Variants in DOCK8 observed in about 807,000 individuals in gnomAD.
DOCK8 encodes dedicator of cytokinesis 8, also known as dedicator of cytokinesis protein 8.
DOCK8 carries 141 observed loss-of-function variants against 245.6 expected under a neutral mutation model. That is an observed-to-expected ratio of 0.57 (90% CI 0.50 to 0.66). DOCK8 has a LOEUF of 0.66. Among genes scored for constraint, DOCK8 ranks in the 30% least tolerant of loss-of-function variants. The pLI is 0.00. For missense variants in DOCK8, 2,965 were observed against 2,603.4 expected (o/e 1.14, Z -3.02); for synonymous variants, 1,168 against 970.2 (o/e 1.20, Z -3.79).
At chr9:354,036 A>C (rs2052304360) in intron 14 of DOCK8, among the ~76,000 whole-genome samples, 1 of 152,188 alleles carries the variant, frequency 6.6e-6, no homozygotes, top group African/African-American at 2.4e-5. Context: ...TTTTGTGATT[A>C]AGAATATTTT....
chr9:306,139 A>G (rs573594584), intron 5 of DOCK8, among the ~76,000 whole-genome samples: 14 of 152,328 alleles, frequency 9.2e-5, no homozygotes, highest in African/African-American at 3.4e-4. Flanking sequence ...CTTCTTGTAA[A>G]CTAATATAGT....
chr9:397,860 A>G (rs995906311), intron 25 of DOCK8, among the ~76,000 whole-genome samples: 5 of 152,194 alleles, frequency 3.3e-5, no homozygotes, highest in African/African-American at 1.2e-4. Context: ...TCAAGTATTG[A>G]TAAGCTTCGT....
chr9:392,581 C>G (rs946060429), intron 24 of DOCK8, among the ~76,000 whole-genome samples: 1 of 152,186 alleles, frequency 6.6e-6, no homozygotes, highest in African/African-American at 2.4e-5. Context: ...TAATGATCCA[C>G]TGGTCTACAC....
At chr9:432,808 C>G (rs759499280) in intron 37 of DOCK8, among the ~76,000 whole-genome samples, 7 of 152,076 alleles carry the variant, frequency 4.6e-5, no homozygotes, top group Non-Finnish European at 8.8e-5. Flanking sequence ...AAGGGACCAG[C>G]TTGTCTGGTG....
chr9:365,085 AGCCATTGCCAAGG>A (rs2052917556), intron 14 of DOCK8, among the ~76,000 whole-genome samples: 1 of 152,274 alleles, frequency 6.6e-6, no homozygotes, highest in Non-Finnish European at 1.5e-5. Flanking sequence ...ATAAGGTCAG[AGCCATTGCCAAGG>A]GCAAGGTCAT....
At chr9:442,490 G>T (rs1384465759) in intron 42 of DOCK8, among the ~76,000 whole-genome samples, 1 of 152,178 alleles carries the variant, frequency 6.6e-6, no homozygotes, top group Non-Finnish European at 1.5e-5. Context: ...CTTCTGATGT[G>T]GAGCTACTCA....
At chr9:412,417 A>AAG (rs1554697546) in intron 28 of DOCK8, among the ~76,000 whole-genome samples, 3 of 151,554 alleles carry the variant, frequency 2.0e-5, no homozygotes, top group African/African-American at 7.3e-5. Context: ...AAAAAAAAAA[A>AAG]AAAAGAAAAA....
chr9:393,894 A>G (rs533938177), intron 24 of DOCK8, among the ~76,000 whole-genome samples: 15 of 152,310 alleles, frequency 9.8e-5, no homozygotes, highest in African/African-American at 1.9e-4. Context: ...TCAGGGGCCA[A>G]TGAGGATTGG....
intron 7 of DOCK8, among the ~76,000 whole-genome samples, chr9:323,687 G>C (rs1049097766): frequency 3.9e-5 from 6 of 152,018 alleles, no homozygotes; most frequent in Non-Finnish European, 8.8e-5. Flanking sequence ...CCCAGCCCCT[G>C]GCAACTCCCA....
At chr9:381,103 A>AAAAT (rs2053704782) in intron 21 of DOCK8, 1 of 151,730 alleles carries the variant, frequency 6.6e-6, no homozygotes, top group African/African-American at 2.4e-5. Flanking sequence ...CCCATCTCTT[A>AAAAT]AAACAAACAA....
chr9:443,398 T>C (rs2057152992), intron 42 of DOCK8, 29 bp from the exon 43 acceptor site: 1 of 1,598,842 alleles, frequency 6.3e-7, no homozygotes, highest in Non-Finnish European at 8.6e-7. Flanking sequence ...TAAAATAACC[T>C]TTATAAACTG....
chr9:444,519 C>G (rs1587071823), intron 43 of DOCK8, among the ~76,000 whole-genome samples: 1 of 152,078 alleles, frequency 6.6e-6, no homozygotes, highest in East Asian at 1.9e-4. Context: ...TCAGTGTGTT[C>G]TCCAACCAGG....
At chr9:366,631 A>G (rs988183933) in intron 14 of DOCK8, 2 of 152,224 alleles carry the variant, frequency 1.3e-5, no homozygotes, top group Non-Finnish European at 1.5e-5. Context: ...GGATAAATAA[A>G]TGAAAGGAGT....
chr9:323,171 C>T (rs958438902), intron 7 of DOCK8, among the ~76,000 whole-genome samples: 1 of 147,878 alleles, frequency 6.8e-6, no homozygotes, highest in South Asian at 2.1e-4. Flanking sequence ...AAATCCTCAA[C>T]ACTGGGCTTT....
At chr9:354,780 A>G (rs1398123855) in intron 14 of DOCK8, among the ~76,000 whole-genome samples, 2 of 152,208 alleles carry the variant, frequency 1.3e-5, no homozygotes, top group Non-Finnish European at 2.9e-5. Context: ...GGGGCAGCTC[A>G]CAGTGTAGCA....
chr9:354,530 C>G (rs1303866069), intron 14 of DOCK8, among the ~76,000 whole-genome samples: 2 of 152,178 alleles, frequency 1.3e-5, no homozygotes, highest in Non-Finnish European at 2.9e-5. Context: ...CATTATCTCA[C>G]AAGTTTATGT....
intron 14 of DOCK8, among the ~76,000 whole-genome samples, chr9:353,285 A>G (rs888587481): frequency 1.3e-5 from 2 of 152,024 alleles, no homozygotes; most frequent in African/African-American, 4.8e-5. Context: ...AGCTGGGGGC[A>G]TCTGGCCAAT....
intron 1 of DOCK8, among the ~76,000 whole-genome samples, chr9:258,255 G>A (rs2047827863): frequency 6.6e-6 from 1 of 152,198 alleles, no homozygotes; most frequent in Non-Finnish European, 1.5e-5. Context: ...ACGTCACTAA[G>A]TCACACAGAC....
chr9:443,531 A>G lies in DOCK8; in HGVS notation c.5580+15A>G, dbSNP rs2057156838. 6.3e-7 allele frequency: 1 copy of G among 1,595,286 alleles called. No individual in the cohort carries two copies. Among genetic ancestry groups the G allele is most frequent in the Admixed American group, 1.7e-5 (1 of 59,988 alleles). The stretch of plus-strand genomic sequence containing the variant: ...ATCCTAACAAGGTATACAAAAATTT[A>G]CAAAAACTAACCATCAAGCTCTAAA... On this transcript the variant is annotated intron_variant, in intron 43 of 47. Coordinates refer to ENST00000432829, the MANE Select transcript of DOCK8 (RefSeq NM_203447.4).
Sources: allele counts gnomAD v4.1 joint callset (sites outside exome capture counted in the v4.1 genomes callset), GRCh38; gene constraint gnomAD v4.1.1; transcripts MANE v1.5; gene names NCBI Gene and HGNC (gene_info 2026-07-23, HGNC 2026-07-21).